The following GSK3B variants were observed in gnomAD, a reference collection of about 807,000 sequenced individuals.
The protein encoded by GSK3B is glycogen synthase kinase 3 beta, also known as glycogen synthase kinase-3 beta.
GSK3B carries 15 observed loss-of-function variants against 56.4 expected under a neutral mutation model. That is an observed-to-expected ratio of 0.27 (90% CI 0.18 to 0.41). The LOEUF (loss-of-function observed/expected upper bound fraction) is 0.41. Among genes scored for constraint, GSK3B ranks in the 10% least tolerant of loss-of-function variants. GSK3B has a pLI of 1.00. For synonymous variants in GSK3B, 181 were observed against 188.9 expected (o/e 0.96, Z 0.34); for missense variants, 300 against 513.4 (o/e 0.58, Z 4.02).
intron 2 of GSK3B, among the ~76,000 whole-genome samples, chr3:119,954,425 A>C (rs1467272158): frequency 6.6e-6 from 1 of 152,108 alleles, no homozygotes; most frequent in African/African-American, 2.4e-5. Context: ...GAAACTTGTT[A>C]ATTATTTTTC....
At chr3:119,970,100 A>G (rs1338391546) in intron 2 of GSK3B, among the ~76,000 whole-genome samples, 1 of 152,194 alleles carries the variant, frequency 6.6e-6, no homozygotes, top group Non-Finnish European at 1.5e-5. Context: ...CTGTCATATT[A>G]TTGTTGTTAA....
intron 1 of GSK3B, among the ~76,000 whole-genome samples, chr3:120,061,952 G>A (rs1190256631): frequency 1.3e-5 from 2 of 151,678 alleles, no homozygotes; most frequent in East Asian, 1.9e-4. Context: ...CGGTGGTCTC[G>A]AACTCCCCAC....
intron 2 of GSK3B, among the ~76,000 whole-genome samples, chr3:119,998,501 A>G: frequency 6.6e-6 from 1 of 152,232 alleles, no homozygotes; most frequent in East Asian, 1.9e-4. Context: ...TAGCTAAGCC[A>G]TGCCTGAATT....
At chr3:120,091,370 T>C (rs2058510845) in intron 1 of GSK3B, among the ~76,000 whole-genome samples, 1 of 152,184 alleles carries the variant, frequency 6.6e-6, no homozygotes, top group Admixed American at 6.5e-5. Context: ...TTTAAAATTC[T>C]AAATTGACCT....
rs73854729 is a variant in GSK3B at position 119,864,039 on chromosome 3, A to G, written c.910-434T>C. On this transcript the variant is annotated intron_variant, in intron 8 of 10. Coordinates refer to ENST00000264235, the MANE Select transcript of GSK3B (RefSeq NM_001146156.2). ...AGCACTGTTCGAAAACTTGGCAATC[A>G]AACAGAAGAGAAAGAAGAGCTATTT... is the stretch of plus-strand genomic sequence containing the variant. 6.4e-3 allele frequency among the ~76,000 whole-genome samples: 970 copies of G among 152,326 alleles called. 12 individuals are homozygous for G. Among genetic ancestry groups the G allele is most frequent in the African/African-American group, 0.02 (830 of 41,570 alleles).
chr3:119,898,678 A>G (rs2056595461), intron 7 of GSK3B, among the ~76,000 whole-genome samples: 1 of 152,152 alleles, frequency 6.6e-6, no homozygotes, highest in African/African-American at 2.4e-5. Context: ...CTCTTCCTGT[A>G]TATACGGTAA....
At chr3:119,827,457 C>T (rs1481166193) in intron 10 of GSK3B, among the ~76,000 whole-genome samples, 2 of 151,628 alleles carry the variant, frequency 1.3e-5, no homozygotes, top group Non-Finnish European at 2.9e-5. Context: ...GGTATATATA[C>T]ACAATGGGGT....
intron 2 of GSK3B, among the ~76,000 whole-genome samples, chr3:119,973,104 T>A (rs527561383): frequency 3.3e-5 from 5 of 152,290 alleles, no homozygotes; most frequent in South Asian, 4.1e-4. Flanking sequence ...GGATTAAGCA[T>A]TTCACATTCA....
At chr3:119,885,325 G>T (rs1008021805) in intron 7 of GSK3B, among the ~76,000 whole-genome samples, 10 of 151,010 alleles carry the variant, frequency 6.6e-5, no homozygotes, top group African/African-American at 2.2e-4. Flanking sequence ...GAAGGTGAAA[G>T]ATCTCTACAG....
chr3:120,012,270 T>C (rs2057784921), intron 1 of GSK3B, among the ~76,000 whole-genome samples: 10 of 152,226 alleles, frequency 6.6e-5, no homozygotes, highest in Admixed American at 6.5e-4. Flanking sequence ...ATAGCACTGC[T>C]TCCAAGAGAC....
At chr3:119,879,741 C>T (rs1034176533) in intron 7 of GSK3B, among the ~76,000 whole-genome samples, 4 of 152,070 alleles carry the variant, frequency 2.6e-5, no homozygotes, top group East Asian at 1.9e-4. Flanking sequence ...TGAGAATATG[C>T]GAAGTTTGTC....
chr3:120,089,807 A>G (rs968731273), intron 1 of GSK3B, among the ~76,000 whole-genome samples: 3 of 152,194 alleles, frequency 2.0e-5, no homozygotes, highest in Non-Finnish European at 4.4e-5. Context: ...CTAAAGAAAA[A>G]CTTTATAAAC....
chr3:119,849,698 G>A (rs1164280989), intron 9 of GSK3B, among the ~76,000 whole-genome samples: 2 of 152,084 alleles, frequency 1.3e-5, no homozygotes, highest in African/African-American at 2.4e-5. Flanking sequence ...GTATCCTGGG[G>A]GATTTGTTCC....
intron 2 of GSK3B, among the ~76,000 whole-genome samples, chr3:119,951,614 T>C (rs183787702): frequency 2.0e-5 from 3 of 152,228 alleles, no homozygotes; most frequent in Admixed American, 2.0e-4. Flanking sequence ...TTATATAATA[T>C]GTTCAATTGG....
At chr3:119,897,589 C>G (rs143584032) in intron 7 of GSK3B, among the ~76,000 whole-genome samples, 82 of 151,686 alleles carry the variant, frequency 5.4e-4, no homozygotes, top group African/African-American at 1.8e-3. Flanking sequence ...ATTCATTTTT[C>G]TGGGGGGAAG....
At chr3:120,019,040 TAAAC>T (rs991579458) in intron 1 of GSK3B, among the ~76,000 whole-genome samples, 41 of 152,166 alleles carry the variant, frequency 2.7e-4, no homozygotes, top group African/African-American at 7.7e-4. Context: ...TTCTAATCAA[TAAAC>T]AAACAAAAAA....
chr3:119,950,993 C>T (rs942152764), intron 2 of GSK3B, among the ~76,000 whole-genome samples: 3 of 151,960 alleles, frequency 2.0e-5, no homozygotes, highest in African/African-American at 7.3e-5. Context: ...TTTGGAAGGA[C>T]AGAAAGGGGA....
At chr3:120,041,842 T>C (rs1013133049) in intron 1 of GSK3B, among the ~76,000 whole-genome samples, 8 of 152,138 alleles carry the variant, frequency 5.3e-5, no homozygotes, top group South Asian at 2.1e-4. Context: ...CTTAAAGAAA[T>C]AGAGTCAAGA....
intron 1 of GSK3B, among the ~76,000 whole-genome samples, chr3:120,089,798 T>G (rs2058495909): frequency 6.6e-6 from 1 of 152,174 alleles, no homozygotes; most frequent in African/African-American, 2.4e-5. Flanking sequence ...CATGTGATTC[T>G]AAAGAAAAAC....
Sources: allele counts gnomAD v4.1 joint callset (sites outside exome capture counted in the v4.1 genomes callset), GRCh38; gene constraint gnomAD v4.1.1; transcripts MANE v1.5; gene names NCBI Gene and HGNC (gene_info 2026-07-23, HGNC 2026-07-21).